Variants in GRIK2 observed in about 807,000 individuals in gnomAD.
GRIK2 encodes glutamate receptor ionotropic, kainate 2.
In GRIK2, 32 loss-of-function variants were observed where a neutral mutation model predicts 100.3. The ratio of observed to expected loss-of-function variants is 0.32; its 90% confidence interval spans 0.24 to 0.43. The LOEUF (loss-of-function observed/expected upper bound fraction) is 0.43, where lower values mean the gene tolerates loss of function less well. GRIK2 is among the 20% of genes least tolerant of loss of function. GRIK2 has a pLI of 1.00. For missense variants in GRIK2, 843 were observed against 1,114.9 expected, an observed-to-expected ratio of 0.76 and a Z score of 3.47; for synonymous variants, 417 against 389.4, an observed-to-expected ratio of 1.07 and a Z score of -0.83.
At chr6:101,793,945 G>A (rs529461552) in intron 7 of GRIK2, among the ~76,000 whole-genome samples, 112 of 152,226 alleles carry the variant, frequency 7.4e-4, no homozygotes, top group African/African-American at 2.1e-3. Flanking sequence ...TCCCTGCCGC[G>A]TTGCAGTTTG....
chr6:102,035,299 A>G lies in GRIK2; in HGVS notation c.2086-42A>G, dbSNP rs746309986. On this transcript the variant is annotated intron_variant, in intron 14 of 16. Coordinates refer to ENST00000369134, the MANE Select transcript of GRIK2 (RefSeq NM_021956.5). ...CATTATAGGAGCACATGGAAACTAA[A>G]GAATAACTTTCTCGTGACCAACTTA... 8 of 1,136,718 alleles carry G rather than the reference A, an allele frequency of 7.0e-6. No individual in the cohort carries two copies. The South Asian group carries it at 1.0e-4, about 15-fold the overall frequency. The allele number at this position is 1,136,718 out of a possible 1,614,324, so 70.4% of individuals were successfully genotyped here.
chr6:101,710,453 G>A (rs776083625), intron 7 of GRIK2, among the ~76,000 whole-genome samples: 5 of 151,850 alleles, frequency 3.3e-5, no homozygotes, highest in Non-Finnish European at 7.4e-5. Context: ...AACATCTAGC[G>A]TTAAATATAT....
intron 4 of GRIK2, among the ~76,000 whole-genome samples, chr6:101,650,149 A>G (rs756974702): frequency 2.6e-5 from 4 of 152,142 alleles, no homozygotes; most frequent in Non-Finnish European, 4.4e-5. Context: ...TTTCCCTTTC[A>G]GAGCACATAG....
At chr6:101,527,487 G>C (rs1413634334) in intron 2 of GRIK2, among the ~76,000 whole-genome samples, 1 of 152,106 alleles carries the variant, frequency 6.6e-6, no homozygotes, top group Admixed American at 6.6e-5. Flanking sequence ...TGAGATATTT[G>C]GAACTAAAAT....
intron 7 of GRIK2, among the ~76,000 whole-genome samples, chr6:101,700,246 T>C (rs1772792297): frequency 6.7e-6 from 1 of 149,400 alleles, no homozygotes; most frequent in Admixed American, 6.6e-5. Flanking sequence ...ATAATAATTG[T>C]TATTGTTATT....
intron 2 of GRIK2, among the ~76,000 whole-genome samples, chr6:101,492,951 C>A (rs984280247): frequency 1.3e-5 from 2 of 151,464 alleles, no homozygotes; most frequent in Non-Finnish European, 2.9e-5. Flanking sequence ...AGAAATAAAC[C>A]GGCAGGTTTG....
At chr6:101,435,470 C>T (rs1044319053) in intron 2 of GRIK2, among the ~76,000 whole-genome samples, 8 of 151,868 alleles carry the variant, frequency 5.3e-5, no homozygotes, top group Non-Finnish European at 8.8e-5. Flanking sequence ...CCCCTCAATC[C>T]CCTCCTCCAA....
chr6:102,030,846 T>G (rs1422737428), intron 14 of GRIK2, among the ~76,000 whole-genome samples: 1 of 150,968 alleles, frequency 6.6e-6, no homozygotes, highest in Non-Finnish European at 1.5e-5. Flanking sequence ...ATTTTTAGCT[T>G]TGATATCCCC....
chr6:101,486,042 A>G (rs988078426), intron 2 of GRIK2, among the ~76,000 whole-genome samples: 33 of 152,166 alleles, frequency 2.2e-4, no homozygotes, highest in African/African-American at 7.7e-4. Context: ...AATTCAATCA[A>G]TCAACCTTTT....
chr6:102,044,048 A>C (rs1340144882), intron 15 of GRIK2, among the ~76,000 whole-genome samples: 1 of 152,030 alleles, frequency 6.6e-6, no homozygotes, highest in East Asian at 1.9e-4. Flanking sequence ...CAGCAGCATG[A>C]AAATGGGCTC....
chr6:102,024,691 A>G (rs1769602234), intron 14 of GRIK2, among the ~76,000 whole-genome samples: 2 of 151,388 alleles, frequency 1.3e-5, no homozygotes, highest in Admixed American at 6.6e-5. Flanking sequence ...TCATTAATGT[A>G]TTAAAGCTGT....
intron 2 of GRIK2, among the ~76,000 whole-genome samples, chr6:101,422,597 C>A (rs1369444789): frequency 6.6e-6 from 1 of 151,674 alleles, no homozygotes; most frequent in African/African-American, 2.4e-5. Flanking sequence ...TTTAAAATTT[C>A]ATTGAGAATA....
chr6:101,925,889 A>G (rs759462868), intron 13 of GRIK2, among the ~76,000 whole-genome samples: 1 of 152,018 alleles, frequency 6.6e-6, no homozygotes, highest in Non-Finnish European at 1.5e-5. Flanking sequence ...TTTATAAACT[A>G]TTTCCTAAAG....
chr6:101,957,601 G>A (rs748262599), intron 14 of GRIK2, among the ~76,000 whole-genome samples: 7 of 151,684 alleles, frequency 4.6e-5, no homozygotes, highest in Non-Finnish European at 1.0e-4. Flanking sequence ...TTTGTTGTTT[G>A]TTTTGGCCAA....
At chr6:101,527,459 G>A (rs527810586) in intron 2 of GRIK2, among the ~76,000 whole-genome samples, 15 of 152,230 alleles carry the variant, frequency 9.9e-5, no homozygotes, top group Admixed American at 9.8e-4. Flanking sequence ...TCTTATCAAG[G>A]CAGATATATT....
intron 2 of GRIK2, among the ~76,000 whole-genome samples, chr6:101,443,869 TA>T (rs781513655): frequency 2.6e-5 from 4 of 151,868 alleles, no homozygotes; most frequent in Non-Finnish European, 5.9e-5. Context: ...ATTCTTATTT[TA>T]AAATTTATTT....
intron 11 of GRIK2, among the ~76,000 whole-genome samples, chr6:101,868,040 A>C (rs1785163483): frequency 6.6e-6 from 1 of 151,664 alleles, no homozygotes; most frequent in Admixed American, 6.6e-5. Flanking sequence ...GATTGAGAGA[A>C]AGTAAAATAC....
intron 14 of GRIK2, among the ~76,000 whole-genome samples, chr6:101,930,626 T>A (rs531638080): frequency 2.6e-5 from 4 of 152,202 alleles, no homozygotes; most frequent in African/African-American, 9.6e-5. Context: ...TCAAATATAC[T>A]AGTAGCAAAG....
intron 7 of GRIK2, among the ~76,000 whole-genome samples, chr6:101,762,677 T>A (rs1468563430): frequency 1.3e-5 from 2 of 152,222 alleles, no homozygotes; most frequent in Non-Finnish European, 2.9e-5. Context: ...GATAAATGAC[T>A]CTGTCTAAAA....
Sources: allele counts gnomAD v4.1 joint callset (sites outside exome capture counted in the v4.1 genomes callset), GRCh38; gene constraint gnomAD v4.1.1; transcripts MANE v1.5; gene names NCBI Gene and HGNC (gene_info 2026-07-23, HGNC 2026-07-21).